The following PARD3B variants were observed in gnomAD, a reference collection of about 807,000 sequenced individuals.
PARD3B encodes the protein partitioning defective 3 homolog B.
In PARD3B, 103 loss-of-function variants were observed where a neutral mutation model predicts 130.2. The observed-to-expected ratio is 0.79, with a 90% CI of 0.67 to 0.93. The LOEUF (loss-of-function observed/expected upper bound fraction) is 0.93, where lower values mean the gene tolerates loss of function less well. Ranked by LOEUF, PARD3B falls within the 40% of genes least tolerant of loss-of-function variation. The pLI, the probability that PARD3B is intolerant of heterozygous loss-of-function variation, is 0.00. For synonymous variants in PARD3B, 583 were observed against 553.2 expected (o/e 1.05, Z -0.76); for missense variants, 1,609 against 1,499.2 (o/e 1.07, Z -1.21).
At chr2:204,698,941 A>G (rs1182509813) in intron 2 of PARD3B, among the ~76,000 whole-genome samples, 2 of 152,142 alleles carry the variant, frequency 1.3e-5, no homozygotes, top group Non-Finnish European at 2.9e-5. Flanking sequence ...ATAAAAAAGA[A>G]AAACCTTGGG....
intron 19 of PARD3B, among the ~76,000 whole-genome samples, chr2:205,416,534 A>T (rs1357959975): frequency 1.3e-5 from 2 of 152,164 alleles, no homozygotes; most frequent in African/African-American, 4.8e-5. Flanking sequence ...TCCTCCTCAC[A>T]TATGTCTTCA....
intron 22 of PARD3B, among the ~76,000 whole-genome samples, chr2:205,595,307 T>C (rs1559252772): frequency 1.3e-5 from 2 of 152,342 alleles, no homozygotes; most frequent in South Asian, 2.1e-4. Flanking sequence ...CTCAGGTCCA[T>C]AAAGCAAAGG....
intron 1 of PARD3B, among the ~76,000 whole-genome samples, chr2:204,576,139 A>G (rs1236018494): frequency 1.3e-5 from 2 of 152,166 alleles, no homozygotes; most frequent in Non-Finnish European, 1.5e-5. Flanking sequence ...CCTTGACATC[A>G]TCTAGCCTTT....
chr2:204,629,389 T>G (rs1415769494), intron 1 of PARD3B, among the ~76,000 whole-genome samples: 1 of 152,198 alleles, frequency 6.6e-6, no homozygotes, highest in Non-Finnish European at 1.5e-5. Context: ...TTTCTGTCCT[T>G]TGCTTGTGTT....
rs543884950 is a variant in PARD3B, at chr2:205,180,328, A to G, written c.1924+3751A>G. Reference sequence around the variant, plus strand: ...AGAGACCAAAAAATTATAGCAGAATATATAAACATGATGCTATAAAAGAGT... The same window carrying G: ...AGAGACCAAAAAATTATAGCAGAATGTATAAACATGATGCTATAAAAGAGT... On this transcript the variant is annotated intron_variant, in intron 13 of 22. Transcript: ENST00000406610. Among the ~76,000 whole-genome samples the G allele has an allele frequency of 3.9e-5, 6 of 152,114 alleles. No individual in the cohort carries two copies. The South Asian group carries it at 6.2e-4, about 16-fold the overall frequency.
intron 21 of PARD3B, among the ~76,000 whole-genome samples, chr2:205,508,052 T>G (rs1158766803): frequency 6.6e-6 from 1 of 152,208 alleles, no homozygotes; most frequent in Non-Finnish European, 1.5e-5. Context: ...TCAGCAATAC[T>G]CTGGGGACAA....
At chr2:205,593,694 A>C (rs2106605664) in intron 22 of PARD3B, among the ~76,000 whole-genome samples, 1 of 152,288 alleles carries the variant, frequency 6.6e-6, no homozygotes, top group Non-Finnish European at 1.5e-5. Context: ...AGTGGGACGC[A>C]ATTACCCTTA....
At chr2:204,982,122 A>G (rs972936258) in intron 3 of PARD3B, among the ~76,000 whole-genome samples, 5 of 152,230 alleles carry the variant, frequency 3.3e-5, no homozygotes, top group Middle Eastern at 3.4e-3. Context: ...TTTTATTTTT[A>G]TATTTCCTTC....
chr2:205,484,017 C>T (rs1483532607), intron 20 of PARD3B, among the ~76,000 whole-genome samples: 3 of 152,086 alleles, frequency 2.0e-5, no homozygotes, highest in Non-Finnish European at 4.4e-5. Context: ...AAATGAGGAA[C>T]TAATGACATC....
At chr2:204,828,075 C>A (rs1230317691) in intron 2 of PARD3B, among the ~76,000 whole-genome samples, 1 of 152,122 alleles carries the variant, frequency 6.6e-6, no homozygotes, top group East Asian at 1.9e-4. Context: ...TGTAGTGCAT[C>A]TGAACTACAA....
chr2:205,596,687 A>G (rs1271607485), intron 22 of PARD3B, among the ~76,000 whole-genome samples: 7 of 152,070 alleles, frequency 4.6e-5, no homozygotes, highest in Admixed American at 3.9e-4. Context: ...TATGGGGGAG[A>G]ATGTTAGAAT....
chr2:205,028,848 C>G (rs1230879672), intron 3 of PARD3B, among the ~76,000 whole-genome samples: 1 of 152,064 alleles, frequency 6.6e-6, no homozygotes, highest in Non-Finnish European at 1.5e-5. Context: ...ATATAAAAAT[C>G]AACGTACAAA....
At chr2:205,062,941 A>G (rs1700143895) in intron 4 of PARD3B, among the ~76,000 whole-genome samples, 1 of 152,016 alleles carries the variant, frequency 6.6e-6, no homozygotes, top group South Asian at 2.1e-4. Context: ...CCATCCTTCC[A>G]AGTCAGCTTC....
Position 204,981,799 on chromosome 2 carries a change from G to A in PARD3B, c.394+16476G>A, listed in dbSNP as rs1692687492. 2.6e-5 allele frequency among the ~76,000 whole-genome samples: 4 copies of A among 152,236 alleles called. No homozygotes were observed. The South Asian group carries it at 8.3e-4, about 32-fold the overall frequency. ...GAGTAGGGTGTCTGATGACAAGAACGAGGAGTCTAATGTTAAACAGGGTGG... is the reference window on the plus strand; with the variant it reads ...GAGTAGGGTGTCTGATGACAAGAACAAGGAGTCTAATGTTAAACAGGGTGG... On this transcript the variant is annotated intron_variant, in intron 3 of 22. Coordinates refer to ENST00000406610, the MANE Select transcript of PARD3B (RefSeq NM_001302769.2).
intron 2 of PARD3B, among the ~76,000 whole-genome samples, chr2:204,726,839 T>C (rs1257998433): frequency 6.6e-6 from 1 of 152,212 alleles, no homozygotes; most frequent in Non-Finnish European, 1.5e-5. Context: ...CATCTGAGCC[T>C]GTAAACATGA....
intron 19 of PARD3B, among the ~76,000 whole-genome samples, chr2:205,410,104 T>C (rs1345092646): frequency 6.6e-6 from 1 of 152,186 alleles, no homozygotes; most frequent in South Asian, 2.1e-4. Context: ...TTTCAGACTT[T>C]GATTTTTCTT....
chr2:205,598,690 T>C (rs1223009900), intron 22 of PARD3B, among the ~76,000 whole-genome samples: 2 of 152,168 alleles, frequency 1.3e-5, no homozygotes, highest in African/African-American at 4.8e-5. Flanking sequence ...ACAGGGAACA[T>C]ACCTAAGATC....
At chr2:205,029,826 G>A (rs959409654) in intron 3 of PARD3B, among the ~76,000 whole-genome samples, 5 of 152,158 alleles carry the variant, frequency 3.3e-5, no homozygotes, top group Admixed American at 1.3e-4. Context: ...CTGTGGAAGT[G>A]TATTACCAGA....
chr2:205,118,876 A>G (rs1356135429), intron 6 of PARD3B, 45 bp from the exon 7 acceptor site: 4 of 1,284,482 alleles, frequency 3.1e-6, no homozygotes, highest in Non-Finnish European at 4.3e-6. Flanking sequence ...AATAATTAGC[A>G]TTTATTATTC....
Sources: allele counts gnomAD v4.1 joint callset (sites outside exome capture counted in the v4.1 genomes callset), GRCh38; gene constraint gnomAD v4.1.1; transcripts MANE v1.5; gene names NCBI Gene and HGNC (gene_info 2026-07-23, HGNC 2026-07-21).